Variants in NAALADL2 observed in about 807,000 individuals in gnomAD.
NAALADL2 encodes N-acetylated alpha-linked acidic dipeptidase like 2.
A neutral mutation model predicts 87.2 loss-of-function variants in NAALADL2; 76 were observed. That is an observed-to-expected ratio of 0.87 (90% CI 0.72 to 1.05). The LOEUF is 1.05. NAALADL2 is among the 50% of genes least tolerant of loss of function. NAALADL2 has a pLI of 0.00. For synonymous variants in NAALADL2, 354 were observed against 331.0 expected (o/e 1.07, Z -0.75); for missense variants, 1,089 against 945.8 (o/e 1.15, Z -1.99).
chr3:175,772,805 C>T (rs1413029625), intron 13 of NAALADL2, among the ~76,000 whole-genome samples: 1 of 152,136 alleles, frequency 6.6e-6, no homozygotes, highest in African/African-American at 2.4e-5. Flanking sequence ...GTAGATCCTT[C>T]CCGCTGTTGT....
chr3:174,537,318 GA>G (rs1164375388), intron 1 of NAALADL2, among the ~76,000 whole-genome samples: 3 of 152,268 alleles, frequency 2.0e-5, no homozygotes, highest in Admixed American at 6.5e-5. Context: ...TACTGTAAGA[GA>G]TTTTAATCAG....
chr3:175,364,534 C>A (rs1417092832), intron 5 of NAALADL2, among the ~76,000 whole-genome samples: 3 of 147,434 alleles, frequency 2.0e-5, no homozygotes, highest in Non-Finnish European at 4.5e-5. Flanking sequence ...ATTACTCAAA[C>A]GTTTTAATAT....
At chr3:175,556,757 A>C (rs1208043305) in intron 9 of NAALADL2, among the ~76,000 whole-genome samples, 1 of 152,222 alleles carries the variant, frequency 6.6e-6, no homozygotes. Context: ...ATATATCTTA[A>C]CTGTTTTTAG....
At chr3:174,835,951 A>T (rs1723284416) in intron 3 of NAALADL2, among the ~76,000 whole-genome samples, 1 of 152,234 alleles carries the variant, frequency 6.6e-6, no homozygotes, top group Non-Finnish European at 1.5e-5. Flanking sequence ...GGTGGTTCCT[A>T]AACAAAATTT....
chr3:174,906,005 A>G (rs1732908945), intron 1 of NAALADL2, among the ~76,000 whole-genome samples: 1 of 151,970 alleles, frequency 6.6e-6, no homozygotes, highest in Non-Finnish European at 1.5e-5. Context: ...TTTTTTCTCG[A>G]TTCTTTATCA....
chr3:175,690,283 G>T (rs1736872653), intron 11 of NAALADL2, among the ~76,000 whole-genome samples: 1 of 151,988 alleles, frequency 6.6e-6, no homozygotes, highest in African/African-American at 2.4e-5. Context: ...AGGCACTGGA[G>T]AAATAATATT....
intron 1 of NAALADL2, among the ~76,000 whole-genome samples, chr3:174,881,890 T>A (rs899718779): frequency 6.6e-6 from 1 of 152,156 alleles, no homozygotes; most frequent in Non-Finnish European, 1.5e-5. Context: ...ATCTTGTAGA[T>A]CTACTGTTAT....
intron 2 of NAALADL2, among the ~76,000 whole-genome samples, chr3:174,621,544 A>G (rs946186914): frequency 6.6e-6 from 1 of 152,110 alleles, no homozygotes; most frequent in East Asian, 1.9e-4. Flanking sequence ...CTTGAGGTCT[A>G]TATATATAGA....
At chr3:175,014,273 C>T (rs868662618) in intron 1 of NAALADL2, among the ~76,000 whole-genome samples, 14 of 152,072 alleles carry the variant, frequency 9.2e-5, no homozygotes, top group African/African-American at 2.9e-4. Context: ...GTATGGGTTA[C>T]TCTCTTATAT....
At chr3:175,446,238 CT>C (rs933207712) in intron 5 of NAALADL2, among the ~76,000 whole-genome samples, 7 of 107,022 alleles carry the variant, frequency 6.5e-5, no homozygotes, top group African/African-American at 2.3e-4. Flanking sequence ...ATCATGACAC[CT>C]TTTTTTGGGG....
rs1398396262 is a variant in NAALADL2 at position 175,698,483 on chromosome 3, T to TTTTATATATATATATATATATA, written c.1897-38822_1897-38821insTTATATATATATATATATATAT. Among the ~76,000 whole-genome samples the TTTTATATATATATATATATATA allele has an allele frequency of 1.1e-3, 74 of 67,736 alleles. 2 individuals are homozygous for TTTTATATATATATATATATATA. Among genetic ancestry groups the TTTTATATATATATATATATATA allele is most frequent in the African/African-American group, 6.4e-3 (71 of 11,056 alleles). The allele number at this position is 67,736 out of a possible 152,430, so 44.4% of individuals were successfully genotyped here. On this transcript the variant is annotated intron_variant, in intron 11 of 13. Transcript: ENST00000454872. ...TGTGTATATATGTGTGTATATATAT[T>TTTTATATATATATATATATATA]TATATATATATATATATATAAAATC... is the stretch of plus-strand genomic sequence containing the variant.
chr3:174,839,697 A>G (rs1454509986), intron 3 of NAALADL2, among the ~76,000 whole-genome samples: 1 of 152,178 alleles, frequency 6.6e-6, no homozygotes, highest in Non-Finnish European at 1.5e-5. Flanking sequence ...ACATGAATAG[A>G]CAATTCTCAA....
chr3:175,733,238 A>T (rs138125950), intron 11 of NAALADL2, among the ~76,000 whole-genome samples: 62 of 152,312 alleles, frequency 4.1e-4, no homozygotes, highest in African/African-American at 1.3e-3. Flanking sequence ...AGACATACCG[A>T]AGACAAGGCA....
intron 11 of NAALADL2, chr3:175,718,601 T>C (rs1033024405): frequency 8.7e-5 from 139 of 1,594,386 alleles, no homozygotes; most frequent in African/African-American, 1.3e-5. Flanking sequence ...TTTCTGGCCT[T>C]CTTCGAGTTT....
chr3:174,810,781 G>C (rs976116109), intron 3 of NAALADL2, among the ~76,000 whole-genome samples: 3 of 152,168 alleles, frequency 2.0e-5, no homozygotes, highest in African/African-American at 7.2e-5. Context: ...AGGAAGTGCT[G>C]ATACTCAAGA....
chr3:175,138,712 T>C (rs114470524), intron 2 of NAALADL2, among the ~76,000 whole-genome samples: 3,807 of 148,928 alleles, frequency 0.026, 148 homozygotes, highest in African/African-American at 0.088. Flanking sequence ...TCCTCCCGAA[T>C]AGCTGAGACT....
chr3:175,252,692 A>G (rs1749266349), intron 3 of NAALADL2, among the ~76,000 whole-genome samples: 1 of 152,194 alleles, frequency 6.6e-6, no homozygotes. Flanking sequence ...CTTGTGTCAA[A>G]CAGCCAAGTT....
At chr3:175,056,504 CACTTG>C (rs1712211556) in intron 1 of NAALADL2, among the ~76,000 whole-genome samples, 1 of 152,086 alleles carries the variant, frequency 6.6e-6, no homozygotes, top group Non-Finnish European at 1.5e-5. Flanking sequence ...GTATGGGTGC[CACTTG>C]CCAAGACAAG....
chr3:174,490,755 G>A (rs1199933556), intron 1 of NAALADL2, among the ~76,000 whole-genome samples: 1 of 152,052 alleles, frequency 6.6e-6, no homozygotes, highest in Non-Finnish European at 1.5e-5. Flanking sequence ...TATTCAAAGA[G>A]CGCTCCTTTG....
Sources: gnomAD v4.1 joint callset for allele counts (sites outside exome capture counted in the v4.1 genomes callset) on GRCh38, gnomAD v4.1.1 for gene constraint, MANE v1.5 for transcripts, NCBI Gene and HGNC (gene_info 2026-07-23, HGNC 2026-07-21) for gene names.